SND1: variants seen among roughly 807,000 people sequenced by gnomAD.
SND1 encodes staphylococcal nuclease and tudor domain containing 1, also known as staphylococcal nuclease domain-containing protein 1.
SND1 carries 38 observed loss-of-function variants against 121.7 expected under a neutral mutation model. That is an observed-to-expected ratio of 0.31 (90% CI 0.24 to 0.41). The LOEUF (loss-of-function observed/expected upper bound fraction) is 0.41. Ranked by LOEUF, SND1 falls within the 10% of genes least tolerant of loss-of-function variation. SND1 has a pLI of 1.00. For synonymous variants in SND1, 401 were observed against 447.4 expected (o/e 0.90, Z 1.31); for missense variants, 868 against 1,184.6 (o/e 0.73, Z 3.92).
At chr7:127,723,027 C>T (rs1562991221) in intron 10 of SND1, among the ~76,000 whole-genome samples, 1 of 152,168 alleles carries the variant, frequency 6.6e-6, no homozygotes, top group Non-Finnish European at 1.5e-5. Context: ...AATTAAGGTT[C>T]CCACAGCAAC....
At chr7:127,709,157 G>A (rs996019059) in intron 9 of SND1, among the ~76,000 whole-genome samples, 2 of 152,152 alleles carry the variant, frequency 1.3e-5, no homozygotes, top group Non-Finnish European at 2.9e-5. Flanking sequence ...AGGTCTTGTT[G>A]CAGACCACAA....
chr7:127,699,915 A>G (rs184111657), intron 4 of SND1, among the ~76,000 whole-genome samples: 68 of 152,354 alleles, frequency 4.5e-4, no homozygotes, highest in African/African-American at 1.5e-3. Flanking sequence ...CTTCACAGAC[A>G]TAGGGGCCAG....
chr7:128,040,398 C>G (rs1170657247), intron 16 of SND1, among the ~76,000 whole-genome samples: 1 of 133,800 alleles, frequency 7.5e-6, no homozygotes, highest in African/African-American at 2.8e-5. Context: ...GCACCACTCA[C>G]TCCAACTCTG....
intron 16 of SND1, among the ~76,000 whole-genome samples, chr7:128,020,129 T>C (rs1237978669): frequency 6.6e-6 from 1 of 152,202 alleles, no homozygotes; most frequent in African/African-American, 2.4e-5. Context: ...TTATTAGCCA[T>C]GGGGCTGCCA....
chr7:128,091,902 C>A, intron 23 of SND1, 21 bp downstream of exon 23: 1 of 1,614,026 alleles, frequency 6.2e-7, no homozygotes, highest in Non-Finnish European at 8.5e-7. Flanking sequence ...ACCTTGGGAG[C>A]CCCCAGAGGG....
At chr7:127,806,809 A>T (rs1798246550) in intron 10 of SND1, among the ~76,000 whole-genome samples, 1 of 152,156 alleles carries the variant, frequency 6.6e-6, no homozygotes, top group Admixed American at 6.5e-5. Flanking sequence ...AAATACAAAA[A>T]TTAGCTGGGT....
chr7:127,688,117 A>G (rs1402856173), intron 2 of SND1, among the ~76,000 whole-genome samples: 3 of 152,168 alleles, frequency 2.0e-5, no homozygotes, highest in African/African-American at 7.2e-5. Flanking sequence ...AAGGGAACTT[A>G]TGGCTCAAAA....
At chr7:127,731,212 C>T (rs1286207771) in intron 10 of SND1, among the ~76,000 whole-genome samples, 1 of 152,222 alleles carries the variant, frequency 6.6e-6, no homozygotes, top group Non-Finnish European at 1.5e-5. Context: ...TCCTCTACTT[C>T]ATACCGCAGC....
chr7:127,906,083 C>G (rs950383793), intron 14 of SND1, among the ~76,000 whole-genome samples: 1 of 152,134 alleles, frequency 6.6e-6, no homozygotes, highest in Admixed American at 6.6e-5. Flanking sequence ...CAATGGGACT[C>G]TGTTGAGCTT....
At chr7:127,715,707 A>C (rs1043895426) in intron 9 of SND1, among the ~76,000 whole-genome samples, 2 of 152,216 alleles carry the variant, frequency 1.3e-5, no homozygotes, top group Non-Finnish European at 2.9e-5. Flanking sequence ...ACTTTGTTAC[A>C]CAAAATTTTC....
intron 10 of SND1, among the ~76,000 whole-genome samples, chr7:127,793,663 A>G (rs1272440807): frequency 6.6e-6 from 1 of 152,206 alleles, no homozygotes; most frequent in African/African-American, 2.4e-5. Flanking sequence ...TTAGGGTGAC[A>G]TTACATGAAG....
rs368708135 is a variant in SND1, at chr7:128,029,451, C to T, written c.1779+38395C>T. On this transcript the variant is annotated intron_variant, in intron 16 of 23. Transcript: ENST00000354725. This position sits in a 1 kb window ranked among gnomAD's most constrained non-coding sequence, Gnocchi z 4.2. ...GTTGAGGACAGAGATCCTTGGGTGGCGGGAGGCGTGGCTGAGCACTGTCCC... is the reference window on the plus strand; with the variant it reads ...GTTGAGGACAGAGATCCTTGGGTGGTGGGAGGCGTGGCTGAGCACTGTCCC... 40 of 1,614,012 alleles carry T rather than the reference C, an allele frequency of 2.5e-5. No homozygotes were observed. Among genetic ancestry groups the T allele is most frequent in the African/African-American group, 2.4e-4 (18 of 74,906 alleles).
At chr7:127,906,266 C>T (rs1172630042) in intron 14 of SND1, among the ~76,000 whole-genome samples, 1 of 152,106 alleles carries the variant, frequency 6.6e-6, no homozygotes, top group African/African-American at 2.4e-5. Flanking sequence ...AGCTAATGGC[C>T]TTTGAGCCAC....
At chr7:128,071,669 C>T (rs899814612) in intron 16 of SND1, among the ~76,000 whole-genome samples, 2 of 152,340 alleles carry the variant, frequency 1.3e-5, no homozygotes, top group East Asian at 3.9e-4. Context: ...ACACCGAATT[C>T]CACAGCCTCG....
At chr7:127,909,357 ATCATGGCTTGGTT>A (rs1800408587) in intron 14 of SND1, among the ~76,000 whole-genome samples, 1 of 152,040 alleles carries the variant, frequency 6.6e-6, no homozygotes, top group African/African-American at 2.4e-5. Flanking sequence ...GTTTAATCAC[ATCATGGCTTGGTT>A]TCATGCTCAT....
chr7:127,882,230 G>A (rs534318812), intron 12 of SND1, among the ~76,000 whole-genome samples: 2 of 151,774 alleles, frequency 1.3e-5, no homozygotes, highest in South Asian at 4.2e-4. Context: ...CTGTAGCCTG[G>A]GTGACAGGGC....
intron 10 of SND1, among the ~76,000 whole-genome samples, chr7:127,794,022 T>C (rs1797964803): frequency 6.6e-6 from 1 of 152,188 alleles, no homozygotes; most frequent in Non-Finnish European, 1.5e-5. Context: ...CATAGTTCTT[T>C]TAAGTTTATT....
chr7:127,756,945 A>G (rs1797207850), intron 10 of SND1, among the ~76,000 whole-genome samples: 1 of 152,212 alleles, frequency 6.6e-6, no homozygotes, highest in Non-Finnish European at 1.5e-5. Context: ...AATTGAGGTC[A>G]ATATCCAGTC....
At chr7:128,040,694 A>G (rs1562879209) in intron 16 of SND1, among the ~76,000 whole-genome samples, 1 of 152,160 alleles carries the variant, frequency 6.6e-6, no homozygotes, top group Non-Finnish European at 1.5e-5. Flanking sequence ...TAATCTATTC[A>G]ATTTGGCTTG....
Sources: gnomAD v4.1 joint callset for allele counts (sites outside exome capture counted in the v4.1 genomes callset) on GRCh38, gnomAD v4.1.1 for gene constraint, Gnocchi (gnomAD v3.1) non-coding constraint, MANE v1.5 for transcripts, NCBI Gene and HGNC (gene_info 2026-07-23, HGNC 2026-07-21) for gene names.